SLMAP: variants seen among roughly 807,000 people sequenced by gnomAD.
SLMAP encodes sarcolemma associated protein, also known as sarcolemmal membrane-associated protein.
A neutral mutation model predicts 128.8 loss-of-function variants in SLMAP; 44 were observed. That is an observed-to-expected ratio of 0.34 (90% CI 0.27 to 0.44). The LOEUF is 0.44. Among genes scored for constraint, SLMAP ranks in the 20% least tolerant of loss-of-function variants. SLMAP has a pLI of 1.00. For missense variants in SLMAP, 787 were observed against 985.3 expected (o/e 0.80, Z 2.69); for synonymous variants, 327 against 348.8 (o/e 0.94, Z 0.70).
intron 2 of SLMAP, among the ~76,000 whole-genome samples, chr3:57,782,308 A>G (rs938559565): frequency 7.9e-5 from 12 of 152,096 alleles, no homozygotes; most frequent in Admixed American, 6.6e-4. Context: ...TCTTTTGGAT[A>G]TTGTGCATTT....
chr3:57,814,223 T>G (rs1485924610), intron 2 of SLMAP, among the ~76,000 whole-genome samples: 1 of 152,054 alleles, frequency 6.6e-6, no homozygotes, highest in African/African-American at 2.4e-5. Flanking sequence ...ATCGTCCATC[T>G]CTGTCACCCA....
intron 2 of SLMAP, among the ~76,000 whole-genome samples, chr3:57,790,505 A>C (rs2085232333): frequency 6.6e-6 from 1 of 152,050 alleles, no homozygotes; most frequent in Non-Finnish European, 1.5e-5. Flanking sequence ...TTTGCAGTAG[A>C]TATATATTTT....
intron 2 of SLMAP, among the ~76,000 whole-genome samples, chr3:57,815,545 T>C (rs1192103175): frequency 6.6e-6 from 1 of 152,172 alleles, no homozygotes; most frequent in Non-Finnish European, 1.5e-5. Context: ...ATTATAACCG[T>C]ATCATTCTGA....
intron 21 of SLMAP, among the ~76,000 whole-genome samples, chr3:57,915,221 A>G (rs2096786299): frequency 1.3e-5 from 2 of 152,160 alleles, no homozygotes; most frequent in Admixed American, 1.3e-4. Flanking sequence ...TTAAGATGTG[A>G]TTAATTGGAA....
intron 2 of SLMAP, among the ~76,000 whole-genome samples, chr3:57,804,936 C>G (rs1031599245): frequency 6.6e-6 from 1 of 152,082 alleles, no homozygotes; most frequent in Admixed American, 6.6e-5. Flanking sequence ...AAAGAGATGT[C>G]CCAGTAGGTT....
chr3:57,923,171 G>T, intron 23 of SLMAP, 148 bp downstream of exon 23: 5 of 809,268 alleles, frequency 6.2e-6, no homozygotes, highest in Non-Finnish European at 9.8e-6. Context: ...TAGAATCATT[G>T]TGCTGTCAGA....
chr3:57,828,784 A>G (rs2093117033), intron 2 of SLMAP, among the ~76,000 whole-genome samples: 3 of 152,128 alleles, frequency 2.0e-5, no homozygotes, highest in African/African-American at 7.2e-5. Context: ...GATGTAAGAA[A>G]AAAAATTTTT....
intron 6 of SLMAP, among the ~76,000 whole-genome samples, chr3:57,856,422 A>T (rs938925778): frequency 6.6e-6 from 1 of 152,164 alleles, no homozygotes; most frequent in African/African-American, 2.4e-5. Flanking sequence ...ATTATTAAAA[A>T]TTTTTTAAAC....
Position 57,871,701 on chromosome 3 carries a change from G to C in SLMAP, c.1300+3G>C. On this transcript the variant is annotated splice_donor_region_variant and intron_variant, in intron 14 of 24. Transcript: ENST00000671191. ...TCATCAATTCATAGAATGCCAGAGT[G>C]AGTACAGAGTATTTTTCACATTGAT... 6.2e-7 allele frequency: 1 copy of C among 1,605,060 alleles called. No homozygotes were observed. The highest frequency in any genetic ancestry group is 8.5e-7 in the Non-Finnish European group (1 of 1,172,518).
At position 57,929,628 on chromosome 3, in the gene SLMAP, T is replaced by C. The variant is rs115880258; in HGVS notation, c.*2339T>C. Among the ~76,000 whole-genome samples, 455 of 152,332 alleles carry C rather than the reference T, an allele frequency of 3.0e-3. No individual in the cohort carries two copies. Among genetic ancestry groups the C allele is most frequent in the African/African-American group, 0.011 (446 of 41,576 alleles). On this transcript the variant is annotated 3_prime_UTR_variant, in exon 25 of 25. Coordinates refer to ENST00000671191, the MANE Select transcript of SLMAP (RefSeq NM_001377540.1). Reference sequence around the variant, plus strand: ...AAATATTAAGCATTGCAGCTAAAAATTGAACAACCCTGTAATGATACATTT... The same window carrying C: ...AAATATTAAGCATTGCAGCTAAAAACTGAACAACCCTGTAATGATACATTT...
At chr3:57,815,028 C>G (rs1014573937) in intron 2 of SLMAP, among the ~76,000 whole-genome samples, 2 of 152,156 alleles carry the variant, frequency 1.3e-5, no homozygotes, top group Middle Eastern at 3.4e-3. Context: ...CCAGCAGTCT[C>G]CAACCTTTTT....
At chr3:57,893,998 G>C (rs574601107) in intron 15 of SLMAP, among the ~76,000 whole-genome samples, 1 of 152,100 alleles carries the variant, frequency 6.6e-6, no homozygotes, top group Admixed American at 6.5e-5. Flanking sequence ...AATTCTGGGG[G>C]TATTCTTATA....
chr3:57,858,150 A>G lies in SLMAP; in HGVS notation c.678A>G (p.Ala226=). 2 of 1,586,862 alleles carry G rather than the reference A, an allele frequency of 1.3e-6. No individual in the cohort carries two copies. Among genetic ancestry groups the G allele is most frequent in the Non-Finnish European group, 1.7e-6 (2 of 1,155,258 alleles). Residue 226 remains alanine (A), a synonymous_variant, in exon 8 of 25, where the codon GCA becomes GCG. Coordinates refer to ENST00000671191, the MANE Select transcript of SLMAP (RefSeq NM_001377540.1). ...RLEVMGNQLQ[A]CSKNQTEDSL... ...AAGTTATGGGAAACCAATTACAGGC[A>G]TGCTCCAAAGTAGGTATTAACCTCA...
intron 2 of SLMAP, among the ~76,000 whole-genome samples, chr3:57,803,574 G>A (rs1560044119): frequency 6.6e-6 from 1 of 152,132 alleles, no homozygotes; most frequent in Non-Finnish European, 1.5e-5. Context: ...AAATGTTTTA[G>A]TACTGTATAA....
At chr3:57,802,998 T>G (rs777046235) in intron 2 of SLMAP, among the ~76,000 whole-genome samples, 24 of 151,962 alleles carry the variant, frequency 1.6e-4, no homozygotes, top group Non-Finnish European at 1.0e-4. Context: ...AGAGTTAAAG[T>G]GCAGTGATTG....
intron 3 of SLMAP, 137 bp downstream of exon 3, chr3:57,831,667 A>T (rs1194869231): frequency 3.8e-6 from 2 of 527,446 alleles, no homozygotes; most frequent in Non-Finnish European, 6.1e-6. Flanking sequence ...TGAAAAGTTA[A>T]AAGTCTCATA....
chr3:57,854,060 A>G (rs2094647009), intron 6 of SLMAP, among the ~76,000 whole-genome samples: 1 of 79,730 alleles, frequency 1.3e-5, no homozygotes, highest in Non-Finnish European at 2.5e-5. Flanking sequence ...CATAACATAT[A>G]TAACACATTA....
intron 13 of SLMAP, among the ~76,000 whole-genome samples, chr3:57,870,894 T>G (rs889204661): frequency 1.3e-5 from 2 of 152,246 alleles, no homozygotes; most frequent in Admixed American, 1.3e-4. Flanking sequence ...CAGAAGTAAC[T>G]CTTTAAATCA....
chr3:57,831,646 A>ATTAT, intron 3 of SLMAP, 116 bp downstream of exon 3: 1 of 634,288 alleles, frequency 1.6e-6, no homozygotes, highest in East Asian at 3.4e-5. Flanking sequence ...TAAATACAGC[A>ATTAT]TTATATACAG....
Sources: allele counts gnomAD v4.1 joint callset (sites outside exome capture counted in the v4.1 genomes callset), GRCh38; gene constraint gnomAD v4.1.1; transcripts MANE v1.5; gene names NCBI Gene and HGNC (gene_info 2026-07-23, HGNC 2026-07-21).